The following BRINP3 variants were observed in gnomAD, a reference collection of about 807,000 sequenced individuals.
BRINP3 encodes BMP/retinoic acid-inducible neural-specific protein 3.
In BRINP3, 19 loss-of-function variants were observed where a neutral mutation model predicts 71.0. The observed-to-expected ratio is 0.27, with a 90% confidence interval of 0.19 to 0.39. The LOEUF (loss-of-function observed/expected upper bound fraction) is 0.39, where lower values mean the gene tolerates loss of function less well. Among genes scored for constraint, BRINP3 ranks in the 10% least tolerant of loss-of-function variants. BRINP3 has a pLI of 1.00. For missense variants in BRINP3, 959 were observed against 940.8 expected (o/e 1.02, Z -0.25); for synonymous variants, 380 against 337.7 (o/e 1.13, Z -1.37).
chr1:190,435,346 T>C (rs911877923), intron 2 of BRINP3, among the ~76,000 whole-genome samples: 1 of 152,050 alleles, frequency 6.6e-6, no homozygotes, highest in African/African-American at 2.4e-5. Flanking sequence ...AGTTTGTGAA[T>C]AGACATCACT....
intron 7 of BRINP3, among the ~76,000 whole-genome samples, chr1:190,118,739 T>C (rs892116310): frequency 6.6e-6 from 1 of 152,204 alleles, no homozygotes; most frequent in Non-Finnish European, 1.5e-5. Flanking sequence ...TGGTATTTCC[T>C]TCAGGCAATT....
At chr1:190,414,337 G>A (rs1672877436) in intron 2 of BRINP3, among the ~76,000 whole-genome samples, 1 of 146,682 alleles carries the variant, frequency 6.8e-6, no homozygotes. Flanking sequence ...AAATCACTGT[G>A]TTTTTTTTTT....
chr1:190,458,083 A>T (rs970377759), intron 1 of BRINP3, among the ~76,000 whole-genome samples: 1 of 152,120 alleles, frequency 6.6e-6, no homozygotes, highest in African/African-American at 2.4e-5. Flanking sequence ...AGAACTACCT[A>T]ACAATATTAC....
chr1:190,323,932 A>G (rs1435948518), intron 2 of BRINP3, among the ~76,000 whole-genome samples: 1 of 152,060 alleles, frequency 6.6e-6, no homozygotes, highest in African/African-American at 2.4e-5. Flanking sequence ...TGTTGAAAAG[A>G]AAACAAATAA....
At chr1:190,471,032 T>A (rs1677103367) in intron 1 of BRINP3, among the ~76,000 whole-genome samples, 1 of 151,180 alleles carries the variant, frequency 6.6e-6, no homozygotes, top group Admixed American at 6.6e-5. Flanking sequence ...TATAAAGTAA[T>A]TATGAAGACT....
chr1:190,420,083 A>G (rs1673272788), intron 2 of BRINP3, among the ~76,000 whole-genome samples: 1 of 152,024 alleles, frequency 6.6e-6, no homozygotes, highest in Non-Finnish European at 1.5e-5. Context: ...ATGGTTTTGC[A>G]GGTGGTCATG....
chr1:190,337,933 C>T (rs918930809), intron 2 of BRINP3, among the ~76,000 whole-genome samples: 8 of 151,956 alleles, frequency 5.3e-5, no homozygotes, highest in Admixed American at 5.3e-4. Context: ...TCTTGTCATA[C>T]TTTTATACGT....
At chr1:190,469,619 G>A (rs774419487) in intron 1 of BRINP3, among the ~76,000 whole-genome samples, 4 of 150,740 alleles carry the variant, frequency 2.7e-5, no homozygotes, top group Admixed American at 6.6e-5. Flanking sequence ...CAGGGCTGAC[G>A]TTTCAAACCA....
chr1:190,106,039 T>C (rs927736709), intron 7 of BRINP3, among the ~76,000 whole-genome samples: 2 of 151,838 alleles, frequency 1.3e-5, no homozygotes, highest in African/African-American at 4.8e-5. Flanking sequence ...AATAAAAAGG[T>C]TTAAAAAGTA....
intron 6 of BRINP3, among the ~76,000 whole-genome samples, chr1:190,215,362 T>A (rs918126517): frequency 3.3e-5 from 5 of 151,832 alleles, no homozygotes; most frequent in African/African-American, 1.2e-4. Flanking sequence ...AGAAGGAGAA[T>A]GAACATTGAG....
At chr1:190,262,335 G>A (rs569608539) in intron 4 of BRINP3, among the ~76,000 whole-genome samples, 241 of 152,122 alleles carry the variant, frequency 1.6e-3, no homozygotes, top group African/African-American at 5.4e-3. Context: ...AACCCTGAAA[G>A]GTGTAATTGC....
intron 2 of BRINP3, among the ~76,000 whole-genome samples, chr1:190,444,189 A>G (rs1675035132): frequency 7.7e-6 from 1 of 130,098 alleles, no homozygotes; most frequent in African/African-American, 2.8e-5. Context: ...TGACCGGACG[A>G]CATTGTGCCA....
intron 7 of BRINP3, among the ~76,000 whole-genome samples, chr1:190,130,404 A>G (rs1654442131): frequency 6.6e-6 from 1 of 152,010 alleles, no homozygotes; most frequent in Admixed American, 6.6e-5. Flanking sequence ...TAGATTTCAT[A>G]TCTTTAAAAC....
At chr1:190,423,126 C>T (rs1364778248) in intron 2 of BRINP3, among the ~76,000 whole-genome samples, 3 of 151,596 alleles carry the variant, frequency 2.0e-5, no homozygotes, top group African/African-American at 4.8e-5. Context: ...TTTATGTTTA[C>T]GTGTATTCCA....
At chr1:190,229,776 C>T (rs1453619516) in intron 5 of BRINP3, among the ~76,000 whole-genome samples, 1 of 151,496 alleles carries the variant, frequency 6.6e-6, no homozygotes, top group Admixed American at 6.6e-5. Flanking sequence ...GAAACTAAAT[C>T]TTCTCTGAAG....
chr1:190,265,008 G>T lies in BRINP3; in HGVS notation c.475C>A (p.Arg159=). 6.2e-7 allele frequency: 1 copy of T among 1,610,318 alleles called. No individual in the cohort carries two copies. The highest frequency in any genetic ancestry group is 8.5e-7 in the Non-Finnish European group (1 of 1,178,460). ...IFVDKRKLSK[R]AEGSDSTTNS... is the part of the protein sequence containing the mutation. ...GTGGTGGAATCACTTCCTTCAGCTC[G>T]TTTGCTCAACTTCCGCTTGTCCACA... Residue 159 remains arginine (R), a synonymous_variant, in exon 4 of 8, where the codon CGA becomes AGA. Coordinates refer to ENST00000367462, the MANE Select transcript of BRINP3 (RefSeq NM_199051.3).
intron 2 of BRINP3, among the ~76,000 whole-genome samples, chr1:190,390,225 T>A (rs1671167897): frequency 6.6e-6 from 1 of 151,370 alleles, no homozygotes; most frequent in Admixed American, 6.6e-5. Context: ...GGAAAGAGGG[T>A]GGGATGGGAG....
chr1:190,119,513 T>C (rs1300136197), intron 7 of BRINP3, among the ~76,000 whole-genome samples: 3 of 152,074 alleles, frequency 2.0e-5, no homozygotes, highest in African/African-American at 4.8e-5. Context: ...GACCTTGTGA[T>C]CCTCCCTCTT....
intron 6 of BRINP3, among the ~76,000 whole-genome samples, chr1:190,221,500 A>G (rs1656889333): frequency 6.9e-6 from 1 of 143,966 alleles, no homozygotes; most frequent in South Asian, 2.2e-4. Context: ...GACAGTAAGA[A>G]GAGAAGAAGA....
Sources: allele counts gnomAD v4.1 joint callset (sites outside exome capture counted in the v4.1 genomes callset), GRCh38; gene constraint gnomAD v4.1.1; transcripts MANE v1.5; gene names NCBI Gene and HGNC (gene_info 2026-07-23, HGNC 2026-07-21).